Variants in SMYD3 observed in about 807,000 individuals in gnomAD.
The protein encoded by SMYD3 is histone-lysine N-methyltransferase SMYD3.
SMYD3 carries 36 observed loss-of-function variants against 57.7 expected under a neutral mutation model. The observed-to-expected ratio is 0.62, with a 90% confidence interval of 0.48 to 0.82. The LOEUF is 0.82. Among genes scored for constraint, SMYD3 ranks in the 40% least tolerant of loss-of-function variants. SMYD3 has a pLI of 0.00. For missense variants in SMYD3, 515 were observed against 538.8 expected, an observed-to-expected ratio of 0.96 and a Z score of 0.44; for synonymous variants, 211 against 195.0, an observed-to-expected ratio of 1.08 and a Z score of -0.68.
chr1:246,398,728 G>A (rs2066716512), intron 1 of SMYD3, among the ~76,000 whole-genome samples: 1 of 152,116 alleles, frequency 6.6e-6, no homozygotes, highest in Admixed American at 6.5e-5. Context: ...AAAAGGAGGA[G>A]GAGACTGGAA....
At chr1:245,982,919 C>T (rs954256810) in intron 5 of SMYD3, among the ~76,000 whole-genome samples, 1 of 152,198 alleles carries the variant, frequency 6.6e-6, no homozygotes, top group Non-Finnish European at 1.5e-5. Context: ...CAAAGGTTCC[C>T]TTATACAGTT....
intron 5 of SMYD3, among the ~76,000 whole-genome samples, chr1:246,110,723 T>C (rs971946336): frequency 2.0e-5 from 3 of 152,238 alleles, no homozygotes; most frequent in Non-Finnish European, 4.4e-5. Context: ...GGCCCTCCCA[T>C]GTTATGGCTA....
At chr1:245,772,823 G>A (rs1017102038) in intron 10 of SMYD3, among the ~76,000 whole-genome samples, 28 of 152,092 alleles carry the variant, frequency 1.8e-4, no homozygotes, top group African/African-American at 5.8e-4. Flanking sequence ...AGACTCAGGA[G>A]CACAGAGGGT....
At chr1:246,029,035 G>C (rs1361889964) in intron 5 of SMYD3, among the ~76,000 whole-genome samples, 2 of 152,170 alleles carry the variant, frequency 1.3e-5, no homozygotes, top group Non-Finnish European at 2.9e-5. Flanking sequence ...AAGCAGAAGA[G>C]TGAAAGGAGA....
At chr1:246,277,223 AAAG>A (rs2064351241) in intron 5 of SMYD3, among the ~76,000 whole-genome samples, 1 of 152,196 alleles carries the variant, frequency 6.6e-6, no homozygotes, top group African/African-American at 2.4e-5. Flanking sequence ...AGGTTTCAGA[AAAG>A]AAGATGTACA....
chr1:246,013,541 T>C lies in SMYD3; in HGVS notation c.532-83604A>G, dbSNP rs894466841. Among the ~76,000 whole-genome samples, 5 of 152,318 alleles carry C rather than the reference T, an allele frequency of 3.3e-5. No individual in the cohort carries two copies. In the South Asian group the frequency reaches 1.0e-3, roughly 32 times the overall value. Reference sequence around the variant, plus strand: ...TTTCTAGCCTATAATGTAACAGTTATTGGTTTGATATGTTACATTTATTTA... The same window carrying C: ...TTTCTAGCCTATAATGTAACAGTTACTGGTTTGATATGTTACATTTATTTA... On this transcript the variant is annotated intron_variant, in intron 5 of 11. Coordinates refer to ENST00000490107, the MANE Select transcript of SMYD3 (RefSeq NM_001167740.2).
At chr1:245,890,129 TA>T (rs2148578932) in intron 8 of SMYD3, among the ~76,000 whole-genome samples, 2 of 152,186 alleles carry the variant, frequency 1.3e-5, no homozygotes, top group East Asian at 3.9e-4. Context: ...ACGAAACTAC[TA>T]AAAGAAAACA....
At chr1:245,870,225 C>T (rs1216208686) in intron 8 of SMYD3, among the ~76,000 whole-genome samples, 4 of 152,200 alleles carry the variant, frequency 2.6e-5, no homozygotes, top group Admixed American at 6.5e-5. Context: ...TCACAGCACA[C>T]GTCTACCTTG....
chr1:246,154,916 G>A (rs1475020883), intron 5 of SMYD3, among the ~76,000 whole-genome samples: 1 of 151,812 alleles, frequency 6.6e-6, no homozygotes, highest in African/African-American at 2.4e-5. Context: ...TAAGAAGCTG[G>A]GACTACAGGC....
chr1:246,504,696 G>GAC (rs1335692107), intron 1 of SMYD3, among the ~76,000 whole-genome samples: 8 of 152,124 alleles, frequency 5.3e-5, no homozygotes, highest in Non-Finnish European at 8.8e-5. Context: ...GCAGCAGAAG[G>GAC]ACAGGGGCAG....
At chr1:246,134,273 C>T (rs898114767) in intron 5 of SMYD3, among the ~76,000 whole-genome samples, 1 of 152,000 alleles carries the variant, frequency 6.6e-6, no homozygotes, top group African/African-American at 2.4e-5. Context: ...ATAGTACTCC[C>T]AAAGTCTATT....
chr1:246,074,668 T>C (rs1359443963), intron 5 of SMYD3, among the ~76,000 whole-genome samples: 1 of 152,188 alleles, frequency 6.6e-6, no homozygotes, highest in Non-Finnish European at 1.5e-5. Context: ...GCAAGTTGGA[T>C]AGAAATCTGC....
At chr1:246,301,735 TTA>T (rs1293851935) in intron 5 of SMYD3, among the ~76,000 whole-genome samples, 3 of 152,196 alleles carry the variant, frequency 2.0e-5, no homozygotes, top group African/African-American at 4.8e-5. Context: ...TGTGTCTTTT[TTA>T]TCTTTCTATT....
intron 5 of SMYD3, among the ~76,000 whole-genome samples, chr1:245,941,764 C>G (rs1342324083): frequency 2.6e-5 from 4 of 152,132 alleles, no homozygotes; most frequent in African/African-American, 9.7e-5. Context: ...CTCAAGTGAT[C>G]TGCCTGCCTC....
intron 5 of SMYD3, among the ~76,000 whole-genome samples, chr1:246,000,095 T>A (rs538369395): frequency 3.9e-4 from 60 of 152,374 alleles, no homozygotes; most frequent in African/African-American, 1.4e-3. Flanking sequence ...GAAGATGTTT[T>A]CTCTTGCCTA....
intron 5 of SMYD3, among the ~76,000 whole-genome samples, chr1:246,127,755 G>A (rs2061529942): frequency 6.6e-6 from 1 of 152,072 alleles, no homozygotes; most frequent in African/African-American, 2.4e-5. Flanking sequence ...AATTAGCCAG[G>A]CATGATAGCG....
chr1:246,201,651 A>C (rs1295562893), intron 5 of SMYD3, among the ~76,000 whole-genome samples: 4 of 152,210 alleles, frequency 2.6e-5, no homozygotes, highest in Non-Finnish European at 1.5e-5. Context: ...ACTTCAAACC[A>C]AGAAATGTCA....
chr1:246,286,879 T>TTG (rs201246492), intron 5 of SMYD3, among the ~76,000 whole-genome samples: 3 of 146,650 alleles, frequency 2.0e-5, no homozygotes, highest in Non-Finnish European at 4.5e-5. Context: ...TCTTTTTTTT[T>TTG]GTTTTTTTTT....
intron 1 of SMYD3, among the ~76,000 whole-genome samples, chr1:246,495,791 A>T (rs1217138875): frequency 1.4e-5 from 2 of 145,036 alleles, no homozygotes; most frequent in Admixed American, 6.9e-5. Context: ...AATACCAAAT[A>T]AAAAAAAAAA....
Sources: gnomAD v4.1 joint callset for allele counts (sites outside exome capture counted in the v4.1 genomes callset) on GRCh38, gnomAD v4.1.1 for gene constraint, MANE v1.5 for transcripts, NCBI Gene and HGNC (gene_info 2026-07-23, HGNC 2026-07-21) for gene names.